Variants in NFIA observed in about 807,000 individuals in gnomAD.
NFIA encodes nuclear factor 1 A-type.
In NFIA, 8 loss-of-function variants were observed where a neutral mutation model predicts 62.8. The ratio of observed to expected loss-of-function variants is 0.13; its 90% CI spans 0.07 to 0.23. The LOEUF (loss-of-function observed/expected upper bound fraction) is 0.23. NFIA is among the 10% of genes least tolerant of loss of function. The pLI is 1.00. For synonymous variants in NFIA, 235 were observed against 238.1 expected (o/e 0.99, Z 0.12); for missense variants, 410 against 642.1 (o/e 0.64, Z 3.91).
At chr1:61,285,830 T>C (rs4915588) in intron 3 of NFIA, among the ~76,000 whole-genome samples, 52,018 of 152,086 alleles carry the variant, frequency 0.34, 9,349 homozygotes, top group Middle Eastern at 0.43. Flanking sequence ...GTAAGGATAT[T>C]GTGGCAAGGC....
Position 61,162,728 on chromosome 1 carries a change from C to T in NFIA, c.559+74048C>T, listed in dbSNP as rs576449411. Among the ~76,000 whole-genome samples the T allele has an allele frequency of 2.3e-4, 35 of 152,098 alleles. 2 individuals are homozygous for T. The South Asian group carries it at 4.8e-3, about 21-fold the overall frequency. On this transcript the variant is annotated intron_variant, in intron 2 of 10. Coordinates refer to ENST00000403491, the MANE Select transcript of NFIA (RefSeq NM_001134673.4). ...ATTAGCCAGCAAGGGCAGTTAGGCC[C>T]GTAGCTGTGGTGTCTGCTGCCACAG... is the stretch of plus-strand genomic sequence containing the variant.
intron 2 of NFIA, among the ~76,000 whole-genome samples, chr1:61,195,845 C>G (rs968122855): frequency 5.3e-5 from 8 of 151,958 alleles, no homozygotes; most frequent in African/African-American, 1.9e-4. Context: ...TAACTTAGTT[C>G]TTGTGTGAGA....
intron 2 of NFIA, among the ~76,000 whole-genome samples, chr1:61,131,032 A>G (rs1373638212): frequency 6.6e-6 from 1 of 152,186 alleles, no homozygotes; most frequent in Non-Finnish European, 1.5e-5. Context: ...GCAACATTTT[A>G]TATAATACCA....
Position 61,130,002 on chromosome 1 carries a change from G to A in NFIA, c.559+41322G>A, listed in dbSNP as rs530120119. 5.3e-5 allele frequency among the ~76,000 whole-genome samples: 8 copies of A among 152,266 alleles called. No homozygotes were observed. In the South Asian group the frequency reaches 1.5e-3, roughly 28 times the overall value. On this transcript the variant is annotated intron_variant, in intron 2 of 10. Transcript: ENST00000403491. ...TGATAGGCAAGGAAATTGACCCGGTGTGGTGGTTCTTATATTGGTAAGAAG... is the reference window on the plus strand; with the variant it reads ...TGATAGGCAAGGAAATTGACCCGGTATGGTGGTTCTTATATTGGTAAGAAG...
rs189355395 is a variant in NFIA at position 61,196,048 on chromosome 1, A to G, written c.560-81472A>G. ...TGCAAAGTATATTTTAAACTCTGTA[A>G]TTAACATGTTTACAAGTTTTTAATT... On this transcript the variant is annotated intron_variant, in intron 2 of 10. Transcript: ENST00000403491. 7.2e-3 allele frequency among the ~76,000 whole-genome samples: 1,090 copies of G among 152,186 alleles called. 4 individuals are homozygous for G. Among genetic ancestry groups the G allele is most frequent in the Non-Finnish European group, 0.011 (760 of 68,012 alleles).
intron 2 of NFIA, among the ~76,000 whole-genome samples, chr1:61,245,251 G>A (rs1034688766): frequency 5.3e-5 from 8 of 152,012 alleles, no homozygotes; most frequent in African/African-American, 1.9e-4. Context: ...TAAATTGAGG[G>A]GCATGGTTTT....
intron 4 of NFIA, among the ~76,000 whole-genome samples, chr1:61,342,274 ATGGTCAAGTAG>A (rs1661964732): frequency 6.6e-6 from 1 of 152,102 alleles, no homozygotes; most frequent in South Asian, 2.1e-4. Flanking sequence ...CTAATAGCTA[ATGGTCAAGTAG>A]TCCCAGTGCA....
At chr1:61,272,939 A>C (rs1657602422) in intron 2 of NFIA, among the ~76,000 whole-genome samples, 1 of 152,206 alleles carries the variant, frequency 6.6e-6, no homozygotes, top group African/African-American at 2.4e-5. Context: ...AATTCTAACA[A>C]AGGCTCTTCA....
intron 7 of NFIA, among the ~76,000 whole-genome samples, chr1:61,395,537 T>G (rs934677247): frequency 6.6e-6 from 1 of 152,214 alleles, no homozygotes; most frequent in African/African-American, 2.4e-5. Context: ...TGTTTTTCAT[T>G]CTTCATTTAG....
intron 4 of NFIA, among the ~76,000 whole-genome samples, chr1:61,333,622 T>A (rs539457070): frequency 1.3e-5 from 2 of 152,232 alleles, no homozygotes; most frequent in Non-Finnish European, 2.9e-5. Flanking sequence ...AGTTAATCCT[T>A]GCAATAAGCT....
intron 4 of NFIA, among the ~76,000 whole-genome samples, chr1:61,351,514 C>A (rs1662548836): frequency 6.6e-6 from 1 of 152,118 alleles, no homozygotes. Flanking sequence ...TTTGACATAA[C>A]CTTTCAAAAA....
intron 5 of NFIA, 143 bp downstream of exon 5, chr1:61,352,710 G>C (rs570856392): frequency 1.5e-6 from 1 of 677,978 alleles, no homozygotes; most frequent in African/African-American, 1.8e-5. Context: ...AAAGACTGTC[G>C]GTCTCGTTGG....
At chr1:61,306,754 A>G (rs552972913) in intron 3 of NFIA, among the ~76,000 whole-genome samples, 3 of 152,316 alleles carry the variant, frequency 2.0e-5, no homozygotes, top group South Asian at 2.1e-4. Context: ...TCAAAAACAC[A>G]TAGTGGTCCA....
intron 2 of NFIA, among the ~76,000 whole-genome samples, chr1:61,101,648 T>A (rs1428886980): frequency 6.6e-5 from 10 of 152,108 alleles, no homozygotes; most frequent in African/African-American, 2.4e-4. Context: ...CAAGTCCCAG[T>A]AGCATAGCCA....
intron 6 of NFIA, among the ~76,000 whole-genome samples, chr1:61,380,966 G>A (rs1664383645): frequency 6.6e-6 from 1 of 151,950 alleles, no homozygotes; most frequent in South Asian, 2.1e-4. Context: ...CAATATTTCT[G>A]CAGTATTTAG....
At chr1:61,449,761 A>C (rs927843331) in intron 10 of NFIA, among the ~76,000 whole-genome samples, 6 of 152,278 alleles carry the variant, frequency 3.9e-5, no homozygotes, top group African/African-American at 1.4e-4. Context: ...TACTGAAAAC[A>C]GACTTTCTTT....
At chr1:61,434,151 G>A (rs2100564771) in intron 10 of NFIA, among the ~76,000 whole-genome samples, 1 of 152,288 alleles carries the variant, frequency 6.6e-6, no homozygotes, top group Admixed American at 6.5e-5. Context: ...CTTCCCAAGG[G>A]GAGACAATGT....
chr1:61,368,783 G>C (rs762515338), intron 6 of NFIA, among the ~76,000 whole-genome samples: 3 of 152,148 alleles, frequency 2.0e-5, no homozygotes, highest in Admixed American at 6.6e-5. Context: ...TAAACTTACT[G>C]TATGAATTTA....
chr1:61,432,294 T>C (rs1200330399), intron 10 of NFIA, among the ~76,000 whole-genome samples: 8 of 151,662 alleles, frequency 5.3e-5, no homozygotes, highest in African/African-American at 1.9e-4. Context: ...TGTTCAGTTC[T>C]GTCTTCCCTG....
Sources: gnomAD v4.1 joint callset for allele counts (sites outside exome capture counted in the v4.1 genomes callset) on GRCh38, gnomAD v4.1.1 for gene constraint, MANE v1.5 for transcripts, NCBI Gene and HGNC (gene_info 2026-07-23, HGNC 2026-07-21) for gene names.